The following SLC4A4 variants were observed in gnomAD, a reference collection of about 807,000 sequenced individuals.
The protein encoded by SLC4A4 is solute carrier family 4 member 4, also known as electrogenic sodium bicarbonate cotransporter 1.
Under a neutral mutation model 111.5 loss-of-function variants are expected in SLC4A4, and 27 were observed. The observed-to-expected ratio is 0.24, with a 90% CI of 0.18 to 0.33. SLC4A4 has a LOEUF of 0.33. Ranked by LOEUF, SLC4A4 falls within the 10% of genes least tolerant of loss-of-function variation. SLC4A4 has a pLI of 1.00. For missense variants in SLC4A4, 909 were observed against 1,315.5 expected, an observed-to-expected ratio of 0.69 and a Z score of 4.78; for synonymous variants, 443 against 463.4, an observed-to-expected ratio of 0.96 and a Z score of 0.57.
intron 1 of SLC4A4, among the ~76,000 whole-genome samples, chr4:71,071,095 AC>A (rs141284482): frequency 0.084 from 12,733 of 151,830 alleles, 1,884 homozygotes; most frequent in African/African-American, 0.29. Flanking sequence ...ACATAGCAAA[AC>A]CCCATCTCTA....
chr4:71,145,968 GT>G (rs1161597724), intron 2 of SLC4A4, among the ~76,000 whole-genome samples: 2 of 152,114 alleles, frequency 1.3e-5, no homozygotes, highest in Non-Finnish European at 2.9e-5. Context: ...TCTGATCTTA[GT>G]TATTTCTTTC....
chr4:71,068,319 C>T (rs1357792261), intron 1 of SLC4A4, among the ~76,000 whole-genome samples: 1 of 152,094 alleles, frequency 6.6e-6, no homozygotes, highest in Admixed American at 6.5e-5. Flanking sequence ...CCCGCCTTGG[C>T]TTCCCAAAGT....
At chr4:71,300,907 C>A in intron 3 of SLC4A4, 1 of 521,232 alleles carries the variant, frequency 1.9e-6, no homozygotes, top group South Asian at 1.4e-5. Flanking sequence ...GTGCTGGGGT[C>A]CATGTCACAC....
intron 3 of SLC4A4, among the ~76,000 whole-genome samples, chr4:71,327,192 G>A (rs1469176087): frequency 1.3e-5 from 2 of 151,880 alleles, no homozygotes; most frequent in Admixed American, 6.6e-5. Flanking sequence ...AACCAAAAGG[G>A]TACATTCGCA....
At chr4:71,378,011 A>G (rs1371153322) in intron 6 of SLC4A4, among the ~76,000 whole-genome samples, 1 of 152,080 alleles carries the variant, frequency 6.6e-6, no homozygotes, top group Non-Finnish European at 1.5e-5. Flanking sequence ...CCCCTGATAA[A>G]CCCATCAGAT....
chr4:71,122,509 A>C (rs1233840681), intron 2 of SLC4A4, among the ~76,000 whole-genome samples: 1 of 152,136 alleles, frequency 6.6e-6, no homozygotes, highest in Non-Finnish European at 1.5e-5. Context: ...TTTCAGAAGA[A>C]GACAATAGCA....
intron 1 of SLC4A4, among the ~76,000 whole-genome samples, chr4:71,221,552 T>A (rs369429421): frequency 6.6e-5 from 10 of 151,252 alleles, no homozygotes; most frequent in African/African-American, 2.4e-4. Context: ...TCGTGGGTGT[T>A]AAAAAAAAAC....
At chr4:71,082,246 T>C (rs1029764131) in intron 1 of SLC4A4, among the ~76,000 whole-genome samples, 2 of 152,046 alleles carry the variant, frequency 1.3e-5, no homozygotes, top group Non-Finnish European at 1.5e-5. Context: ...CTTGGATGTA[T>C]CTGAGTCTCA....
chr4:71,367,358 T>C (rs190008745), intron 6 of SLC4A4, among the ~76,000 whole-genome samples: 157 of 152,342 alleles, frequency 1.0e-3, no homozygotes, highest in Admixed American at 2.0e-3. Context: ...ACATGTCTTC[T>C]TTTGAAGAAG....
chr4:71,421,375 A>G (rs1722480655), intron 7 of SLC4A4, among the ~76,000 whole-genome samples: 1 of 152,194 alleles, frequency 6.6e-6, no homozygotes, highest in Admixed American at 6.5e-5. Context: ...AGACTCCCAC[A>G]CATTAATAAT....
chr4:71,205,577 A>G (rs1482651223), intron 1 of SLC4A4, among the ~76,000 whole-genome samples: 4 of 152,184 alleles, frequency 2.6e-5, no homozygotes, highest in Non-Finnish European at 4.4e-5. Context: ...CTGGAGAAGT[A>G]TGTCCAGCAT....
chr4:71,270,865 C>T (rs958937066), intron 3 of SLC4A4, among the ~76,000 whole-genome samples: 2 of 152,220 alleles, frequency 1.3e-5, no homozygotes, highest in Admixed American at 6.5e-5. Flanking sequence ...CTCATCTGCA[C>T]TGTCTTCTAA....
At position 71,236,389 on chromosome 4, in the gene SLC4A4, C is replaced by T. The variant is rs188120706; in HGVS notation, c.-1-187C>T. 3.4e-5 allele frequency: 26 copies of T among 770,702 alleles called. No homozygotes were observed. In the East Asian group the frequency reaches 5.4e-4, roughly 16 times the overall value. 47.7% of individuals were successfully genotyped at this position (770,702 alleles called of 1,614,324 possible). A position where few individuals can be genotyped will look rare whatever the true frequency, so the allele number is the denominator to read the frequency against. On this transcript the variant is annotated intron_variant, in intron 1 of 25. Coordinates refer to ENST00000264485, the MANE Select transcript of SLC4A4 (RefSeq NM_001098484.3). Reference sequence around the variant, plus strand: ...GGTTAGAACTGAAGCTATGTGGGACCGGCATATTCTCGAGCACCAGATGAG... The same window carrying T: ...GGTTAGAACTGAAGCTATGTGGGACTGGCATATTCTCGAGCACCAGATGAG...
chr4:71,272,987 A>G (rs940814164), intron 3 of SLC4A4, among the ~76,000 whole-genome samples: 2 of 152,356 alleles, frequency 1.3e-5, no homozygotes, highest in African/African-American at 4.8e-5. Context: ...TATGTGAAAG[A>G]TGTCACTCCA....
chr4:71,347,750 T>TG (rs945524446), intron 4 of SLC4A4, among the ~76,000 whole-genome samples: 3 of 152,078 alleles, frequency 2.0e-5, no homozygotes, highest in Non-Finnish European at 4.4e-5. Flanking sequence ...CTGATAGAAG[T>TG]GGGGGCTCAT....
intron 16 of SLC4A4, among the ~76,000 whole-genome samples, chr4:71,500,727 G>T (rs1038989103): frequency 2.0e-5 from 3 of 152,146 alleles, no homozygotes; most frequent in African/African-American, 7.2e-5. Flanking sequence ...TGAAGAGATT[G>T]CTGTTACCCC....
intron 2 of SLC4A4, among the ~76,000 whole-genome samples, chr4:71,149,287 C>T (rs1166094669): frequency 6.6e-6 from 1 of 151,648 alleles, no homozygotes; most frequent in African/African-American, 2.4e-5. Flanking sequence ...AAGTAAAGGC[C>T]CCAAAATAGA....
chr4:71,538,980 TG>T (rs1734807161), intron 18 of SLC4A4, among the ~76,000 whole-genome samples: 1 of 152,020 alleles, frequency 6.6e-6, no homozygotes, highest in African/African-American at 2.4e-5. Context: ...ACAAGGAAGG[TG>T]ATTTCGAGAG....
upstream of SLC4A4, among the ~76,000 whole-genome samples, chr4:71,184,089 C>G (rs1219709349): frequency 2.0e-5 from 3 of 152,148 alleles, no homozygotes; most frequent in African/African-American, 7.2e-5. Context: ...GACAAGCCAT[C>G]ACTCTTCCTA....
Sources: gnomAD v4.1 joint callset for allele counts (sites outside exome capture counted in the v4.1 genomes callset) on GRCh38, gnomAD v4.1.1 for gene constraint, MANE v1.5 for transcripts, NCBI Gene and HGNC (gene_info 2026-07-23, HGNC 2026-07-21) for gene names.